The following KCNK10 variants were observed in gnomAD, a reference collection of about 807,000 sequenced individuals.
KCNK10 encodes the protein potassium channel subfamily K member 10.
In KCNK10, 25 loss-of-function variants were observed where a neutral mutation model predicts 47.7. That is an observed-to-expected ratio of 0.52 (90% CI 0.38 to 0.73). The LOEUF is 0.73. Among genes scored for constraint, KCNK10 ranks in the 30% least tolerant of loss-of-function variants. The pLI is 0.00. For synonymous variants in KCNK10, 303 were observed against 285.6 expected (o/e 1.06, Z -0.61); for missense variants, 563 against 714.5 (o/e 0.79, Z 2.42).
chr14:88,255,125 A>G (rs1041360350), intron 2 of KCNK10, among the ~76,000 whole-genome samples: 3 of 152,322 alleles, frequency 2.0e-5, no homozygotes, highest in African/African-American at 7.2e-5. Context: ...CTATAGCACC[A>G]TGCCAGACAG....
chr14:88,224,702 T>C (rs1885927217), intron 4 of KCNK10, among the ~76,000 whole-genome samples: 1 of 152,200 alleles, frequency 6.6e-6, no homozygotes, highest in South Asian at 2.1e-4. Flanking sequence ...CTCCACCTCC[T>C]GGGTTCAAGC....
intron 1 of KCNK10, among the ~76,000 whole-genome samples, chr14:88,272,687 G>T (rs542199308): frequency 2.0e-5 from 3 of 152,152 alleles, no homozygotes; most frequent in Non-Finnish European, 2.9e-5. Flanking sequence ...AGGGAGAAGA[G>T]CCAGGGGGTC....
Position 88,323,231 on chromosome 14 carries a change from C to T in KCNK10, c.-433G>A, listed in dbSNP as rs1231117907. On this transcript the variant is annotated 5_prime_UTR_variant, in exon 1 of 7. Transcript: ENST00000319231. The stretch of plus-strand genomic sequence containing the variant: ...GAAGGCGTGTGCGCACACACTCCCG[C>T]ACACACACACCCGCACACACACTCC... 1.1e-5 allele frequency: 11 copies of T among 1,013,740 alleles called. No homozygotes were observed. The highest frequency in any genetic ancestry group is 1.2e-5 in the Non-Finnish European group (10 of 846,946). 62.8% of individuals were successfully genotyped at this position (1,013,740 alleles called of 1,614,324 possible). A position where few individuals can be genotyped will look rare whatever the true frequency, so the allele number is the denominator to read the frequency against.
intron 2 of KCNK10, among the ~76,000 whole-genome samples, chr14:88,254,307 T>A (rs1430811600): frequency 6.6e-6 from 1 of 151,416 alleles, no homozygotes; most frequent in Non-Finnish European, 1.5e-5. Flanking sequence ...CCCCTGTCGT[T>A]TGCTTTATGG....
At position 88,227,504 on chromosome 14, in the gene KCNK10, T is replaced by C. The variant is rs1254683405; in HGVS notation, c.552A>G (p.Gly184=). 1.2e-6 allele frequency: 2 copies of C among 1,612,046 alleles called. No homozygotes were observed. The highest frequency in any genetic ancestry group is 1.3e-5 in the African/African-American group (1 of 74,804). ...CATATAAAATACAAAAGATTTTGCC[T>C]CCTTCAGTGCTCGGAGCAATATTCC... ...GYGNIAPSTE[G]GKIFCILYAI... The change falls in exon 4 of 7, where the codon GGA becomes GGG. Residue 184 remains glycine, a synonymous_variant. Transcript: ENST00000319231.
intron 2 of KCNK10, among the ~76,000 whole-genome samples, chr14:88,249,962 G>A (rs1468649016): frequency 6.6e-6 from 1 of 152,078 alleles, no homozygotes. Flanking sequence ...ATTGTGATAA[G>A]TAATAAGAGC....
chr14:88,309,138 T>A (rs759083777), intron 1 of KCNK10, among the ~76,000 whole-genome samples: 15 of 152,230 alleles, frequency 9.9e-5, no homozygotes, highest in Non-Finnish European at 2.1e-4. Flanking sequence ...AAATATTCAC[T>A]GAAGAAATGG....
At chr14:88,281,592 C>A (rs942297970) in intron 1 of KCNK10, among the ~76,000 whole-genome samples, 4 of 151,976 alleles carry the variant, frequency 2.6e-5, no homozygotes, top group Admixed American at 2.6e-4. Context: ...GGTTCTCAGG[C>A]CTTCAGACTT....
chr14:88,227,620 T>TG, intron 3 of KCNK10, 85 bp from the exon 4 acceptor site: 2 of 1,291,216 alleles, frequency 1.5e-6, no homozygotes, highest in Non-Finnish European at 2.1e-6. Flanking sequence ...TAAAAGTTTG[T>TG]ACATTCCCCC....
intron 1 of KCNK10, among the ~76,000 whole-genome samples, chr14:88,304,189 C>T (rs1888162617): frequency 6.6e-6 from 1 of 152,050 alleles, no homozygotes. Context: ...GTGGCATGTT[C>T]CTGTAGTCCT....
Position 88,185,457 on chromosome 14 carries a change from C to A in KCNK10, c.*78G>T. 1.3e-6 allele frequency: 2 copies of A among 1,526,676 alleles called. No homozygotes were observed. The highest frequency in any genetic ancestry group is 8.8e-7 in the Non-Finnish European group (1 of 1,137,548). The allele number at this position is 1,526,676 out of a possible 1,614,324, so 94.6% of individuals were successfully genotyped here. A position where few individuals can be genotyped will look rare whatever the true frequency, so the allele number is the denominator to read the frequency against. On this transcript the variant is annotated 3_prime_UTR_variant, in exon 7 of 7. Transcript: ENST00000319231. The surrounding 1 kb of genome is among the most constrained non-coding windows in gnomAD (Gnocchi z 4.3). ...TTTGGACTAAAAAGTCTGTTTAAGG[C>A]ACATGTCTCAGTGTGAATATTAAAA...
intron 1 of KCNK10, among the ~76,000 whole-genome samples, chr14:88,315,878 G>A (rs73314215): frequency 0.011 from 1,655 of 152,152 alleles, 33 homozygotes; most frequent in African/African-American, 0.038. Flanking sequence ...GGGGGATGGC[G>A]GTGGGGAGGG....
At chr14:88,205,303 C>T (rs1354536579) in intron 4 of KCNK10, among the ~76,000 whole-genome samples, 2 of 152,172 alleles carry the variant, frequency 1.3e-5, no homozygotes, top group Non-Finnish European at 2.9e-5. Context: ...TAATGCTTGT[C>T]AGACTCCTGT....
chr14:88,277,095 C>T (rs1333650571), intron 1 of KCNK10, among the ~76,000 whole-genome samples: 1 of 152,168 alleles, frequency 6.6e-6, no homozygotes, highest in Non-Finnish European at 1.5e-5. Context: ...CATGGAGGCT[C>T]CACACCCCAA....
rs1020935420 is a variant in KCNK10, at chr14:88,180,719, T to C, written c.*4816A>G. The C allele has an allele frequency of 2.5e-6, 1 of 398,596 alleles. No homozygotes were observed. The highest frequency in any genetic ancestry group is 4.4e-6 in the Non-Finnish European group (1 of 226,026). 24.7% of individuals were successfully genotyped at this position (398,596 alleles called of 1,614,324 possible). On this transcript the variant is annotated 3_prime_UTR_variant, in exon 7 of 7. Transcript: ENST00000319231. ...TCTCCTCAATGCCACTGCACTGATG[T>C]CAACTGACTTAGGGCAGGCATGAGA...
At chr14:88,321,126 A>G (rs895854057) in intron 1 of KCNK10, among the ~76,000 whole-genome samples, 27 of 151,988 alleles carry the variant, frequency 1.8e-4, no homozygotes, top group Admixed American at 2.0e-4. Context: ...CTCTTCACTC[A>G]CTCTGCCATA....
chr14:88,301,239 C>T (rs1477468060), intron 1 of KCNK10, among the ~76,000 whole-genome samples: 1 of 152,066 alleles, frequency 6.6e-6, no homozygotes, highest in East Asian at 1.9e-4. Flanking sequence ...TTCATAGTAA[C>T]AATAAATGTT....
intron 3 of KCNK10, 24 bp from the exon 4 acceptor site, chr14:88,227,559 G>A (rs1183825048): frequency 2.6e-6 from 4 of 1,567,996 alleles, no homozygotes; most frequent in Non-Finnish European, 3.4e-6. Context: ...TGAAAAAGAG[G>A]GAGAGTGGCA....
At chr14:88,215,742 A>AAG (rs745540865) in intron 4 of KCNK10, among the ~76,000 whole-genome samples, 67 of 151,468 alleles carry the variant, frequency 4.4e-4, no homozygotes, top group South Asian at 4.2e-4. Context: ...CCGGGGGGAA[A>AAG]AGAGAGAGAG....
Sources: allele counts gnomAD v4.1 joint callset (sites outside exome capture counted in the v4.1 genomes callset), GRCh38; gene constraint gnomAD v4.1.1; non-coding constraint Gnocchi (gnomAD v3.1); transcripts MANE v1.5; gene names NCBI Gene and HGNC (gene_info 2026-07-23, HGNC 2026-07-21).